Variants in SSR1 observed in about 807,000 individuals in gnomAD.
SSR1 encodes translocon-associated protein subunit alpha.
In SSR1, 13 loss-of-function variants were observed where a neutral mutation model predicts 36.1. That is an observed-to-expected ratio of 0.36 (90% CI 0.23 to 0.57). The LOEUF is 0.57. Ranked by LOEUF, SSR1 falls within the 20% of genes least tolerant of loss-of-function variation. SSR1 has a pLI of 0.81. For missense variants in SSR1, 291 were observed against 338.5 expected, an observed-to-expected ratio of 0.86 and a Z score of 1.10; for synonymous variants, 113 against 118.9, an observed-to-expected ratio of 0.95 and a Z score of 0.32.
At chr6:7,290,098 A>G (rs1252513171) in intron 7 of SSR1, among the ~76,000 whole-genome samples, 167 bp from the exon 8 acceptor site, 2 of 152,258 alleles carry the variant, frequency 1.3e-5, no homozygotes, top group African/African-American at 2.4e-5. Context: ...TTTAAAAACA[A>G]TCTTTAACAT....
Position 7,281,810 on chromosome 6 carries a change from TTACAA to T in SSR1, c.*8049_*8053del, listed in dbSNP as rs1291558576. On this transcript the variant is annotated 3_prime_UTR_variant, in exon 8 of 8. Transcript: ENST00000244763. ...GCACCTGTGATTTGTTGGTTTGGCG[TTACAA>T]TAAACACTGTAAGTGAAAATGAGTC... 6.6e-6 allele frequency: 1 copy of T among 152,176 alleles called. No homozygotes were observed. Among genetic ancestry groups the T allele is most frequent in the Non-Finnish European group, 1.5e-5 (1 of 68,034 alleles). 9.4% of individuals were successfully genotyped at this position (152,176 alleles called of 1,614,324 possible).
intron 4 of SSR1, among the ~76,000 whole-genome samples, chr6:7,299,649 G>C (rs1757888228): frequency 6.8e-6 from 1 of 147,216 alleles, no homozygotes; most frequent in African/African-American, 2.5e-5. Context: ...GATGAGCCGA[G>C]ATCACTCCAG....
chr6:7,302,177 G>GT (rs1757950674), intron 3 of SSR1, among the ~76,000 whole-genome samples: 1 of 152,178 alleles, frequency 6.6e-6, no homozygotes, highest in Non-Finnish European at 1.5e-5. Context: ...AACAGAAAAT[G>GT]TAAGAAGACC....
At chr6:7,304,582 G>A (rs942494887) in intron 2 of SSR1, among the ~76,000 whole-genome samples, 2 of 152,140 alleles carry the variant, frequency 1.3e-5, no homozygotes, top group Non-Finnish European at 2.9e-5. Context: ...AATTTATGTT[G>A]CAGAACTTGG....
intron 2 of SSR1, among the ~76,000 whole-genome samples, chr6:7,305,857 GT>G (rs1181526764): frequency 1.3e-5 from 2 of 152,204 alleles, no homozygotes; most frequent in East Asian, 1.9e-4. Flanking sequence ...CATGGCAAAT[GT>G]TTGGAACACT....
chr6:7,311,415 G>A (rs1405504543), intron 1 of SSR1, among the ~76,000 whole-genome samples: 1 of 152,190 alleles, frequency 6.6e-6, no homozygotes, highest in Non-Finnish European at 1.5e-5. Context: ...AAACAGTTAA[G>A]GACCATGCAT....
Position 7,313,110 on chromosome 6 carries a change from A to G in SSR1, c.11T>C (p.Leu4Pro). 1 of 1,606,318 alleles carries G rather than the reference A, an allele frequency of 6.2e-7. No homozygotes were observed. The highest frequency in any genetic ancestry group is 1.1e-5 in the South Asian group (1 of 90,274). The change falls in exon 1 of 8, where the codon CTC becomes CCC. Residue 4 changes from leucine (L) to proline (P), a missense_variant. Leu to Pro is a moderately conservative substitution (Grantham distance 98). Transcript: ENST00000244763. ...TAAGAGAAGCAGCAGCAAGCGGGGGAGGAGTCTCATGGCGCTGCCGGTCCA... is the reference window on the plus strand; with the variant it reads ...TAAGAGAAGCAGCAGCAAGCGGGGGGGGAGTCTCATGGCGCTGCCGGTCCA... Reference protein sequence around the residue: MRLLPRLLLLLLLV... With the variant: MRLPPRLLLLLLLV...
At chr6:7,311,224 AG>A (rs1248455230) in intron 1 of SSR1, among the ~76,000 whole-genome samples, 1 of 152,240 alleles carries the variant, frequency 6.6e-6, no homozygotes, top group African/African-American at 2.4e-5. Flanking sequence ...TGCAAAAAAA[AG>A]GTGAATCACA....
rs1217308795 is a variant in SSR1, at chr6:7,284,708, G to C, written c.*5156C>G. ...TTCAAACCCAGGCAGCCTGACATGA[G>C]CGTTTCCTTTTTTTTTTTTTCTCTT... is the stretch of plus-strand genomic sequence containing the variant. On this transcript the variant is annotated 3_prime_UTR_variant, in exon 8 of 8. Coordinates refer to ENST00000244763, the MANE Select transcript of SSR1 (RefSeq NM_003144.5). 1 of 148,398 alleles carries C rather than the reference G, an allele frequency of 6.7e-6. No individual in the cohort carries two copies. The highest frequency in any genetic ancestry group is 1.5e-5 in the Non-Finnish European group (1 of 67,400). The allele number at this position is 148,398 out of a possible 1,614,324, so 9.2% of individuals were successfully genotyped here.
In SSR1 at chr6:7,284,834, C is replaced by T. The variant is rs888304622; in HGVS notation, c.*5030G>A. 6.6e-6 allele frequency: 1 copy of T among 151,830 alleles called. No individual in the cohort carries two copies. The highest frequency in any genetic ancestry group is 2.4e-5 in the African/African-American group (1 of 41,334). 9.4% of individuals were successfully genotyped at this position (151,830 alleles called of 1,614,324 possible). ...AGAATCAGACTATTTAGGGCTGATA[C>T]TTCAAGCATATCTCAATTAACAAAA... On this transcript the variant is annotated 3_prime_UTR_variant, in exon 8 of 8. Coordinates refer to ENST00000244763, the MANE Select transcript of SSR1 (RefSeq NM_003144.5).
Position 7,285,613 on chromosome 6 carries a change from A to T in SSR1, c.*4251T>A, listed in dbSNP as rs544381222. 9.2e-5 allele frequency: 14 copies of T among 152,374 alleles called. No individual in the cohort carries two copies. In the East Asian group the frequency reaches 2.5e-3, roughly 27 times the overall value. The allele number at this position is 152,374 out of a possible 1,614,324, so 9.4% of individuals were successfully genotyped here. ...AGAATCGCTTGAGCCCAAGAGGCAG[A>T]GGCTGCCGTGAGCTGAGATCATGCC... On this transcript the variant is annotated 3_prime_UTR_variant, in exon 8 of 8. Coordinates refer to ENST00000244763, the MANE Select transcript of SSR1 (RefSeq NM_003144.5). This position sits in a 1 kb window ranked among gnomAD's most constrained non-coding sequence, Gnocchi z 4.1.
At chr6:7,312,020 A>C (rs774121645) in intron 1 of SSR1, among the ~76,000 whole-genome samples, 1 of 152,368 alleles carries the variant, frequency 6.6e-6, no homozygotes, top group South Asian at 2.1e-4. Flanking sequence ...GCCATTAAAC[A>C]GAAGCCAGTC....
Position 7,313,168 on chromosome 6 carries a change from G to T in SSR1, c.-48C>A, listed in dbSNP as rs762433448. On this transcript the variant is annotated 5_prime_UTR_variant, in exon 1 of 8. Transcript: ENST00000244763. ...GTTTCCGTCGGCTAAGGCTCTCGGC[G>T]GCTCCGGCGGTAATGGCGTTACTCT... 2 of 1,534,576 alleles carry T rather than the reference G, an allele frequency of 1.3e-6. No individual in the cohort carries two copies. The highest frequency in any genetic ancestry group is 1.2e-5 in the South Asian group (1 of 84,320).
At chr6:7,303,859 T>C (rs1383040926) in intron 2 of SSR1, among the ~76,000 whole-genome samples, 1 of 152,158 alleles carries the variant, frequency 6.6e-6, no homozygotes, top group Non-Finnish European at 1.5e-5. Context: ...TGGTGGCACA[T>C]GCCTGTAATC....
intron 7 of SSR1, chr6:7,295,171 A>G (rs1311641947): frequency 1.2e-5 from 18 of 1,469,058 alleles, no homozygotes; most frequent in Non-Finnish European, 1.6e-5. Context: ...ATTCATAAAT[A>G]AGCTGCAGAT....
intron 4 of SSR1, among the ~76,000 whole-genome samples, chr6:7,299,591 A>AGGT (rs1757885048): frequency 6.6e-6 from 1 of 151,384 alleles, no homozygotes; most frequent in Non-Finnish European, 1.5e-5. Flanking sequence ...ACAGCTACTC[A>AGGT]GGTGGCTGAG....
chr6:7,298,519 C>A, intron 5 of SSR1: 1 of 472,398 alleles, frequency 2.1e-6, no homozygotes, highest in Non-Finnish European at 3.7e-6. Context: ...GACAGAAAGC[C>A]AATACTAACT....
rs200587791 is a variant in SSR1 at position 7,297,880 on chromosome 6, A to G, written c.699+43T>C. 4.0e-5 allele frequency: 62 copies of G among 1,532,666 alleles called. No individual in the cohort carries two copies. The East Asian group carries it at 5.7e-4, about 14-fold the overall frequency. 94.9% of individuals were successfully genotyped at this position (1,532,666 alleles called of 1,614,324 possible). ...TAGACTGCTTAACTTAGTACTTAAC[A>G]ACTTTTGAAACACGGCTGTAAGAGG... On this transcript the variant is annotated intron_variant, in intron 6 of 7. Coordinates refer to ENST00000244763, the MANE Select transcript of SSR1 (RefSeq NM_003144.5).
At chr6:7,301,835 T>C (rs1757941670) in intron 3 of SSR1, among the ~76,000 whole-genome samples, 1 of 152,110 alleles carries the variant, frequency 6.6e-6, no homozygotes. Context: ...ATCCAAATCA[T>C]GTGGTAAAAA....
Sources: allele counts gnomAD v4.1 joint callset (sites outside exome capture counted in the v4.1 genomes callset), GRCh38; gene constraint gnomAD v4.1.1; non-coding constraint Gnocchi (gnomAD v3.1); transcripts MANE v1.5; gene names NCBI Gene and HGNC (gene_info 2026-07-23, HGNC 2026-07-21).